The following NELL1 variants were observed in gnomAD, a reference collection of about 807,000 sequenced individuals.
NELL1 encodes protein kinase C-binding protein NELL1.
NELL1 carries 76 observed loss-of-function variants against 107.4 expected under a neutral mutation model. The observed-to-expected ratio is 0.71, with a 90% CI of 0.59 to 0.86. The LOEUF (loss-of-function observed/expected upper bound fraction) is 0.86, where lower values mean the gene tolerates loss of function less well. NELL1 is among the 40% of genes least tolerant of loss of function. NELL1 has a pLI of 0.00. For synonymous variants in NELL1, 353 were observed against 341.2 expected, an observed-to-expected ratio of 1.03 and a Z score of -0.38; for missense variants, 1,024 against 1,005.5, an observed-to-expected ratio of 1.02 and a Z score of -0.25.
intron 14 of NELL1, among the ~76,000 whole-genome samples, chr11:21,240,465 G>A (rs960634228): frequency 4.6e-5 from 7 of 151,920 alleles, no homozygotes; most frequent in African/African-American, 1.4e-4. Flanking sequence ...ACGCTTAAAG[G>A]TCTGATAGTG....
intron 13 of NELL1, among the ~76,000 whole-genome samples, chr11:21,223,024 T>C (rs1297327146): frequency 6.6e-6 from 1 of 152,200 alleles, no homozygotes; most frequent in Non-Finnish European, 1.5e-5. Context: ...TGTCGTTGGA[T>C]ATATTGTTCT....
chr11:21,245,627 T>C (rs1025167994), intron 14 of NELL1, among the ~76,000 whole-genome samples: 1 of 152,200 alleles, frequency 6.6e-6, no homozygotes, highest in African/African-American at 2.4e-5. Flanking sequence ...TTAATCTGTT[T>C]CCCTCACTGG....
intron 3 of NELL1, among the ~76,000 whole-genome samples, chr11:20,793,889 A>G (rs1412215102): frequency 1.3e-5 from 2 of 152,150 alleles, no homozygotes; most frequent in African/African-American, 4.8e-5. Context: ...CACATGCTCA[A>G]TATTTTTGAT....
intron 12 of NELL1, among the ~76,000 whole-genome samples, chr11:21,075,402 A>C (rs1219358660): frequency 2.0e-5 from 3 of 152,148 alleles, no homozygotes; most frequent in Non-Finnish European, 2.9e-5. Flanking sequence ...TAATATCACA[A>C]GGAAGAGGCA....
rs202149050 is a variant in NELL1 at position 21,477,899 on chromosome 11, AAAATTATAAG to A, written c.1646-56465_1646-56456del. 6.3e-3 allele frequency among the ~76,000 whole-genome samples: 759 copies of A among 120,352 alleles called. 5 individuals are homozygous for A. Among genetic ancestry groups the A allele is most frequent in the Middle Eastern group, 0.03 (6 of 202 alleles). The allele number at this position is 120,352 out of a possible 152,430, so 79.0% of individuals were successfully genotyped here. ...ATAAATTATAATAAATAAAATTATAAAAATTATAAGAAATTATAATAAAAAGAAGCAGAAA... is the reference window on the plus strand; with the variant it reads ...ATAAATTATAATAAATAAAATTATAAAAATTATAATAAAAAGAAGCAGAAA... On this transcript the variant is annotated intron_variant, in intron 15 of 19. Transcript: ENST00000357134.
At chr11:21,455,817 G>A (rs1215187560) in intron 15 of NELL1, among the ~76,000 whole-genome samples, 1 of 151,184 alleles carries the variant, frequency 6.6e-6, no homozygotes, top group African/African-American at 2.4e-5. Flanking sequence ...CTTCAAATGA[G>A]TTGTTTTTTG....
At chr11:21,027,387 G>A (rs1379066537) in intron 12 of NELL1, among the ~76,000 whole-genome samples, 1 of 151,656 alleles carries the variant, frequency 6.6e-6, no homozygotes, top group South Asian at 2.1e-4. Flanking sequence ...TTATGATCCT[G>A]GATGTTTTTT....
chr11:20,983,595 A>G (rs1303034003), intron 12 of NELL1, among the ~76,000 whole-genome samples: 1 of 152,146 alleles, frequency 6.6e-6, no homozygotes, highest in African/African-American at 2.4e-5. Context: ...CCTAAAGTCC[A>G]GTCGATTACC....
chr11:21,548,597 T>C (rs1591026383), intron 16 of NELL1, among the ~76,000 whole-genome samples: 1 of 151,924 alleles, frequency 6.6e-6, no homozygotes, highest in Non-Finnish European at 1.5e-5. Flanking sequence ...ATCTCCATGA[T>C]TCATTTATCT....
rs1458531598 is a variant in NELL1 at position 20,727,701 on chromosome 11, G to T, written c.184+49641G>T. Among the ~76,000 whole-genome samples, 3 of 152,138 alleles carry T rather than the reference G, an allele frequency of 2.0e-5. 1 individual carries two copies. Among genetic ancestry groups the T allele is most frequent in the South Asian group, 4.1e-4 (2 of 4,824 alleles). On this transcript the variant is annotated intron_variant, in intron 2 of 19. Coordinates refer to ENST00000357134, the MANE Select transcript of NELL1 (RefSeq NM_006157.5). ...CTATGTCCTGAATGGTATTGCCTAG[G>T]TTTTCTTCTAGGGTTTTTATGGTTT... is the stretch of plus-strand genomic sequence containing the variant.
intron 15 of NELL1, among the ~76,000 whole-genome samples, chr11:21,450,913 G>A (rs1853561153): frequency 2.0e-5 from 3 of 151,902 alleles, no homozygotes; most frequent in Admixed American, 6.6e-5. Flanking sequence ...GGGGCAGGCC[G>A]GGTGCGGTGG....
chr11:21,194,241 C>G (rs1857104404), intron 13 of NELL1, among the ~76,000 whole-genome samples: 1 of 149,312 alleles, frequency 6.7e-6, no homozygotes, highest in Non-Finnish European at 1.5e-5. Context: ...CTGACATCTA[C>G]CTCTTCACCT....
intron 2 of NELL1, among the ~76,000 whole-genome samples, chr11:20,693,863 T>C (rs1854540954): frequency 2.0e-5 from 3 of 152,338 alleles, no homozygotes; most frequent in Admixed American, 2.0e-4. Flanking sequence ...TTCTCTTGGA[T>C]AGTATCCTGC....
intron 16 of NELL1, among the ~76,000 whole-genome samples, chr11:21,535,895 A>G (rs1474709091): frequency 2.6e-5 from 4 of 152,132 alleles, no homozygotes; most frequent in Non-Finnish European, 5.9e-5. Context: ...TATGCAGCTC[A>G]TTGTAAATCA....
At chr11:21,168,321 CT>C (rs144724949) in intron 13 of NELL1, among the ~76,000 whole-genome samples, 8 of 150,442 alleles carry the variant, frequency 5.3e-5, no homozygotes, top group Middle Eastern at 3.4e-3. Context: ...AATGCTCTTC[CT>C]TTTTTTTTAT....
At chr11:20,794,565 T>C (rs1272282161) in intron 3 of NELL1, among the ~76,000 whole-genome samples, 1 of 152,176 alleles carries the variant, frequency 6.6e-6, no homozygotes, top group East Asian at 1.9e-4. Context: ...TTTTGGCATC[T>C]GGAGGCTGAA....
intron 3 of NELL1, among the ~76,000 whole-genome samples, chr11:20,819,758 G>C (rs1212155583): frequency 6.6e-6 from 1 of 152,188 alleles, no homozygotes; most frequent in South Asian, 2.1e-4. Context: ...CTTGAAGAAA[G>C]CCATGAGAAT....
intron 14 of NELL1, among the ~76,000 whole-genome samples, chr11:21,287,844 G>C (rs74463350): frequency 0.03 from 4,502 of 151,766 alleles, 233 homozygotes; most frequent in African/African-American, 0.1. Flanking sequence ...GTGATTACAT[G>C]TTTTATCCCC....
chr11:21,446,449 T>G (rs1390149484), intron 15 of NELL1, among the ~76,000 whole-genome samples: 1 of 152,184 alleles, frequency 6.6e-6, no homozygotes, highest in South Asian at 2.1e-4. Flanking sequence ...ACTGTAGTCT[T>G]CACAGTCTGG....
Sources: gnomAD v4.1 joint callset for allele counts (sites outside exome capture counted in the v4.1 genomes callset) on GRCh38, gnomAD v4.1.1 for gene constraint, MANE v1.5 for transcripts, NCBI Gene and HGNC (gene_info 2026-07-23, HGNC 2026-07-21) for gene names.